The following USP46 variants were observed in gnomAD, a reference collection of about 807,000 sequenced individuals.
USP46 encodes ubiquitin specific peptidase 46.
A neutral mutation model predicts 44.4 loss-of-function variants in USP46; 12 were observed. The observed-to-expected ratio is 0.27, with a 90% CI of 0.17 to 0.44. The LOEUF (loss-of-function observed/expected upper bound fraction) is 0.44. Ranked by LOEUF, USP46 falls within the 20% of genes least tolerant of loss-of-function variation. The pLI is 1.00. For synonymous variants in USP46, 155 were observed against 161.5 expected (o/e 0.96, Z 0.31); for missense variants, 248 against 444.8 (o/e 0.56, Z 3.98).
At chr4:52,598,448 CCCCTTCT>C (rs1027486302) in intron 8 of USP46, 173 bp downstream of exon 8, 4 of 616,448 alleles carry the variant, frequency 6.5e-6, no homozygotes, top group African/African-American at 5.5e-5. Flanking sequence ...CATGATCACA[CCCCTTCT>C]CCCTTTCCAT....
intron 4 of USP46, among the ~76,000 whole-genome samples, chr4:52,621,469 A>G (rs1362579505): frequency 6.6e-6 from 1 of 152,140 alleles, no homozygotes. Flanking sequence ...CAGCCTGACC[A>G]ACTTGGTAAA....
chr4:52,632,980 G>GAAAGAAAAAGAAAGAAAGA, intron 1 of USP46, among the ~76,000 whole-genome samples: 1 of 71,486 alleles, frequency 1.4e-5, no homozygotes, highest in South Asian at 5.0e-4. Flanking sequence ...AAGAAAGAAA[G>GAAAGAAAAAGAAAGAAAGA]AAAGAAAAGA....
chr4:52,597,532 G>T lies in USP46; in HGVS notation c.*108C>A. ...AACACAGCCAGACCATTGAGACTCG[G>T]AGTGATACCATTAGTGGGCCACTGG... On this transcript the variant is annotated 3_prime_UTR_variant, in exon 9 of 9. Transcript: ENST00000441222. The T allele has an allele frequency of 1.4e-6, 1 of 728,898 alleles. No homozygotes were observed. The highest frequency in any genetic ancestry group is 2.4e-6 in the Non-Finnish European group (1 of 420,000). 45.2% of individuals were successfully genotyped at this position (728,898 alleles called of 1,614,324 possible).
Position 52,600,113 on chromosome 4 carries a change from G to T in USP46, c.921-1407C>A, listed in dbSNP as rs995781625. On this transcript the variant is annotated intron_variant, in intron 7 of 8. Transcript: ENST00000441222. ...GTGGTTTGTTTTTGGGGGTAGCAGG[G>T]TGGTGTGTTTATTTGTTCATTATCA... Among the ~76,000 whole-genome samples, 7 of 152,166 alleles carry T rather than the reference G, an allele frequency of 4.6e-5. No homozygotes were observed. The South Asian group carries it at 1.4e-3, about 32-fold the overall frequency.
Position 52,594,490 on chromosome 4 carries a change from C to T in USP46, c.*3150G>A, listed in dbSNP as rs929719557. 15 of 152,218 alleles carry T rather than the reference C, an allele frequency of 9.9e-5. No homozygotes were observed. The highest frequency in any genetic ancestry group is 1.9e-4 in the Non-Finnish European group (13 of 68,034). 9.4% of individuals were successfully genotyped at this position (152,218 alleles called of 1,614,324 possible). ...AATTTTCCCTGACCCATGCCACTTA[C>T]ATGAGTTCATTACAATAGTGCTGAT... On this transcript the variant is annotated 3_prime_UTR_variant, in exon 9 of 9. Transcript: ENST00000441222.
chr4:52,610,740 C>T, intron 4 of USP46, 123 bp from the exon 5 acceptor site: 1 of 806,568 alleles, frequency 1.2e-6, no homozygotes, highest in South Asian at 1.9e-5. Flanking sequence ...CCTGCATGGA[C>T]ATGTATACTC....
intron 1 of USP46, among the ~76,000 whole-genome samples, chr4:52,632,123 T>G (rs930674222): frequency 2.0e-5 from 3 of 152,128 alleles, no homozygotes; most frequent in African/African-American, 7.2e-5. Context: ...ACAAGGAACT[T>G]AAGACTCAGA....
intron 5 of USP46, among the ~76,000 whole-genome samples, chr4:52,606,872 C>T (rs1716705122): frequency 6.6e-6 from 1 of 152,188 alleles, no homozygotes; most frequent in East Asian, 1.9e-4. Flanking sequence ...ATTTCAAGTA[C>T]ATGGTGCATA....
intron 6 of USP46, among the ~76,000 whole-genome samples, chr4:52,603,376 A>G (rs1249867577): frequency 6.6e-6 from 1 of 152,230 alleles, no homozygotes; most frequent in Non-Finnish European, 1.5e-5. Flanking sequence ...TGCAGCAAAG[A>G]AAAGTGTACA....
chr4:52,600,420 G>C (rs1274687615), intron 7 of USP46, among the ~76,000 whole-genome samples: 2 of 152,114 alleles, frequency 1.3e-5, no homozygotes, highest in African/African-American at 4.8e-5. Context: ...GCTCCACATA[G>C]GAGAACAATG....
intron 1 of USP46, among the ~76,000 whole-genome samples, chr4:52,650,485 GAA>G (rs1233843171): frequency 6.6e-6 from 1 of 152,176 alleles, no homozygotes; most frequent in Non-Finnish European, 1.5e-5. Context: ...GAAGAGAAAG[GAA>G]AGAGATTGGG....
intron 1 of USP46, among the ~76,000 whole-genome samples, chr4:52,656,000 T>G (rs78569753): frequency 6.6e-6 from 1 of 152,212 alleles, no homozygotes. Context: ...TGCTACAAAT[T>G]TGATTTCTGC....
chr4:52,656,428 T>C (rs1429341037), intron 1 of USP46: 1 of 145,918 alleles, frequency 6.9e-6, no homozygotes, highest in Non-Finnish European at 9.8e-6. Flanking sequence ...GGAGGGACAG[T>C]GGGGGCGGTG....
chr4:52,592,775 G>T lies in USP46; in HGVS notation c.*4865C>A. On this transcript the variant is annotated 3_prime_UTR_variant, in exon 9 of 9. Coordinates refer to ENST00000441222, the MANE Select transcript of USP46 (RefSeq NM_022832.4). ...AATCGCTTGAACTCGGGAGGCAGAGGTTGCAGTGAGCTGAGATCTCATCAC... is the reference window on the plus strand; with the variant it reads ...AATCGCTTGAACTCGGGAGGCAGAGTTTGCAGTGAGCTGAGATCTCATCAC... 1 of 397,990 alleles carries T rather than the reference G, an allele frequency of 2.5e-6. No individual in the cohort carries two copies. Among genetic ancestry groups the T allele is most frequent in the South Asian group, 1.3e-4 (1 of 7,606 alleles). The allele number at this position is 397,990 out of a possible 1,614,324, so 24.7% of individuals were successfully genotyped here.
In USP46 at chr4:52,595,315, T is replaced by G. The variant is rs1644934944; in HGVS notation, c.*2325A>C. Reference sequence around the variant, plus strand: ...TTGGGAGAAACCTGCAGCTGCCCAGTGTTTGTTTCATTTATTGAGAAGGAA... The same window carrying G: ...TTGGGAGAAACCTGCAGCTGCCCAGGGTTTGTTTCATTTATTGAGAAGGAA... On this transcript the variant is annotated 3_prime_UTR_variant, in exon 9 of 9. Coordinates refer to ENST00000441222, the MANE Select transcript of USP46 (RefSeq NM_022832.4). The G allele has an allele frequency of 6.6e-6, 1 of 152,654 alleles. No homozygotes were observed. The highest frequency in any genetic ancestry group is 2.1e-4 in the South Asian group (1 of 4,832). 9.5% of individuals were successfully genotyped at this position (152,654 alleles called of 1,614,324 possible).
rs1316335219 is a variant in USP46, at chr4:52,595,780, T to G, written c.*1860A>C. On this transcript the variant is annotated 3_prime_UTR_variant, in exon 9 of 9. Transcript: ENST00000441222. Reference sequence around the variant, plus strand: ...CATCATGTTCTTAAAACTTTGTAACTTGCAGTCAAATATATGGATTCTATA... The same window carrying G: ...CATCATGTTCTTAAAACTTTGTAACGTGCAGTCAAATATATGGATTCTATA... 6.6e-6 allele frequency: 1 copy of G among 152,200 alleles called. No individual in the cohort carries two copies. Among genetic ancestry groups the G allele is most frequent in the Non-Finnish European group, 1.5e-5 (1 of 68,040 alleles). The allele number at this position is 152,200 out of a possible 1,614,324, so 9.4% of individuals were successfully genotyped here. A position where few individuals can be genotyped will look rare whatever the true frequency, so the allele number is the denominator to read the frequency against.
intron 2 of USP46, among the ~76,000 whole-genome samples, chr4:52,629,466 T>A (rs1240606378): frequency 1.3e-5 from 2 of 152,188 alleles, no homozygotes; most frequent in Non-Finnish European, 2.9e-5. Context: ...CAGGGCAGAA[T>A]CCCCATGCCT....
chr4:52,607,130 T>A (rs2109601980), intron 5 of USP46, among the ~76,000 whole-genome samples: 1 of 152,310 alleles, frequency 6.6e-6, no homozygotes, highest in African/African-American at 2.4e-5. Context: ...CTCATTCTTA[T>A]TTTCCCCAAA....
chr4:52,653,495 CAAAA>C (rs397880678), intron 1 of USP46, among the ~76,000 whole-genome samples: 1 of 53,016 alleles, frequency 1.9e-5, no homozygotes, highest in African/African-American at 7.0e-5. Flanking sequence ...AACTCTATCT[CAAAA>C]AAAAAAAAAA....
Sources: gnomAD v4.1 joint callset for allele counts (sites outside exome capture counted in the v4.1 genomes callset) on GRCh38, gnomAD v4.1.1 for gene constraint, MANE v1.5 for transcripts, NCBI Gene and HGNC (gene_info 2026-07-23, HGNC 2026-07-21) for gene names.